Variants in TENM1 observed in about 807,000 individuals in gnomAD.
TENM1 encodes the protein teneurin transmembrane protein 1.
Under a neutral mutation model 174.8 loss-of-function variants are expected in TENM1, and 35 were observed. The observed-to-expected ratio is 0.20, with a 90% CI of 0.15 to 0.27. TENM1 has a LOEUF of 0.27. TENM1 is among the 10% of genes least tolerant of loss of function. The pLI is 1.00. For missense variants in TENM1, 1,633 were observed against 2,130.1 expected (o/e 0.77, Z 4.59); for synonymous variants, 781 against 798.7 (o/e 0.98, Z 0.37).
At chrX:124,835,832 G>A in intron 3 of TENM1, among the ~76,000 whole-genome samples, 1 of 112,164 alleles carries the variant, frequency 8.9e-6, no homozygotes, top group Non-Finnish European at 1.9e-5. Flanking sequence ...CTCCACAGGG[G>A]AGTCATCCCA....
intron 23 of TENM1, among the ~76,000 whole-genome samples, chrX:124,434,768 T>C (rs375261500): frequency 8.9e-6 from 1 of 112,119 alleles, no homozygotes; most frequent in African/African-American, 3.2e-5. Flanking sequence ...GTAAATTTGA[T>C]TGTTATTGTA....
At chrX:124,883,938 T>C (rs768026643) in intron 3 of TENM1, among the ~76,000 whole-genome samples, 47 of 111,179 alleles carry the variant, frequency 4.2e-4, no homozygotes, top group African/African-American at 1.5e-3. Flanking sequence ...CCTCCTCTTG[T>C]GGTGCATGCA....
intron 18 of TENM1, among the ~76,000 whole-genome samples, chrX:124,505,622 T>C (rs1040745007): frequency 9.0e-6 from 1 of 111,514 alleles, no homozygotes; most frequent in African/African-American, 3.3e-5. Context: ...ATTTCTGGAG[T>C]TGGGCTTTTC....
intron 5 of TENM1, among the ~76,000 whole-genome samples, chrX:124,675,741 G>A (rs1301298710): frequency 9.2e-6 from 1 of 108,849 alleles, no homozygotes; most frequent in East Asian, 2.9e-4. Flanking sequence ...AGAATACAAC[G>A]TTAAGGGAAC....
chrX:124,707,331 C>A (rs1252072561), intron 4 of TENM1, among the ~76,000 whole-genome samples: 1 of 111,534 alleles, frequency 9.0e-6, no homozygotes. Flanking sequence ...TTTTTCTTTT[C>A]TTTTTTATCT....
chrX:125,051,918 T>C, the TENM1 span, among the ~76,000 whole-genome samples: 1 of 107,503 alleles, frequency 9.3e-6, no homozygotes, highest in Non-Finnish European at 1.9e-5. Context: ...ACCTACAGAA[T>C]GGGAGAAAAT....
At chrX:125,144,129 G>GA in the TENM1 span, among the ~76,000 whole-genome samples, 1 of 111,096 alleles carries the variant, frequency 9.0e-6, no homozygotes, top group African/African-American at 3.3e-5. Flanking sequence ...TATAAGTTGG[G>GA]AAAACCAACC....
At chrX:124,823,442 T>C (rs899025123) in intron 3 of TENM1, among the ~76,000 whole-genome samples, 2 of 111,657 alleles carry the variant, frequency 1.8e-5, no homozygotes, top group African/African-American at 6.5e-5. Flanking sequence ...TAAATCAATG[T>C]AAAATAGGAA....
intron 3 of TENM1, among the ~76,000 whole-genome samples, chrX:124,884,914 T>C (rs776032513): frequency 1.8e-5 from 2 of 112,313 alleles, no homozygotes; most frequent in African/African-American, 6.5e-5. Context: ...CTGGATGGTA[T>C]AGCCTACTAC....
chrX:125,048,657 G>A, the TENM1 span, among the ~76,000 whole-genome samples: 4 of 110,949 alleles, frequency 3.6e-5, no homozygotes, highest in African/African-American at 1.3e-4. Context: ...CTATTAAAAT[G>A]CTCTAAAACT....
At chrX:124,643,396 A>G (rs2051068030) in intron 10 of TENM1, among the ~76,000 whole-genome samples, 1 of 111,068 alleles carries the variant, frequency 9.0e-6, no homozygotes, top group Admixed American at 9.6e-5. Flanking sequence ...GTGTGTTGGG[A>G]GCAAACTGAA....
intron 23 of TENM1, among the ~76,000 whole-genome samples, chrX:124,442,785 C>A (rs1235549375): frequency 9.1e-6 from 1 of 110,459 alleles, no homozygotes; most frequent in Non-Finnish European, 1.9e-5. Flanking sequence ...ACTTAGCCTC[C>A]CGTGTAGCTG....
intron 5 of TENM1, among the ~76,000 whole-genome samples, chrX:124,697,783 G>T (rs1285675482): frequency 2.7e-5 from 3 of 111,056 alleles, no homozygotes; most frequent in Admixed American, 9.6e-5. Flanking sequence ...TAGTGGCATT[G>T]TTTTACATTT....
chrX:124,513,034 T>A (rs1346750972), intron 18 of TENM1, among the ~76,000 whole-genome samples: 1 of 111,766 alleles, frequency 8.9e-6, no homozygotes. Context: ...ATGTCTTATA[T>A]TAGTTTCCAA....
chrX:124,686,245 A>G (rs1449926301), intron 5 of TENM1, among the ~76,000 whole-genome samples: 1 of 111,511 alleles, frequency 9.0e-6, no homozygotes, highest in East Asian at 2.8e-4. Context: ...AGAATATTAT[A>G]ACTGGCAAAG....
At chrX:125,056,473 A>C in the TENM1 span, among the ~76,000 whole-genome samples, 2 of 111,702 alleles carry the variant, frequency 1.8e-5, no homozygotes, top group Non-Finnish European at 3.8e-5. Context: ...AATGAAAGAA[A>C]GAGCCATTGT....
chrX:124,757,124 C>T (rs2054275116), intron 3 of TENM1, among the ~76,000 whole-genome samples: 1 of 112,667 alleles, frequency 8.9e-6, no homozygotes, highest in Non-Finnish European at 1.9e-5. Flanking sequence ...GGCAGGCCTC[C>T]TTGAGCTGTG....
rs1467833609 is a variant in TENM1 at position 124,504,485 on chromosome X, C to T, written c.3302-782G>A. Among the ~76,000 whole-genome samples the T allele has an allele frequency of 1.3e-4, 4 of 31,296 alleles. No individual in the cohort carries two copies. The Admixed American group carries it at 1.9e-3, about 15-fold the overall frequency. The allele number at this position is 31,296 out of a possible 115,157, so 27.2% of individuals were successfully genotyped here. On this transcript the variant is annotated intron_variant, in intron 18 of 31. Coordinates refer to ENST00000422452, the Ensembl canonical transcript of TENM1. ...TATGTATAGCTTAAGTATACCAAGT[C>T]CTAGCCATTTTCCCTCTTGGAAACC...
At chrX:124,394,613 A>AG (rs764189469) in intron 27 of TENM1, among the ~76,000 whole-genome samples, 28 of 112,421 alleles carry the variant, frequency 2.5e-4, no homozygotes, top group African/African-American at 9.0e-4. Flanking sequence ...TGGCAGAAAA[A>AG]TTAGAAATAT....
Sources: allele counts gnomAD v4.1 joint callset (sites outside exome capture counted in the v4.1 genomes callset), GRCh38; gene constraint gnomAD v4.1.1; transcripts MANE v1.5; gene names NCBI Gene and HGNC (gene_info 2026-07-23, HGNC 2026-07-21).